TRPM8: variants seen among roughly 807,000 people sequenced by gnomAD.
TRPM8 encodes TRPM8 cationic channel.
A neutral mutation model predicts 133.7 loss-of-function variants in TRPM8; 110 were observed. That is an observed-to-expected ratio of 0.82 (90% CI 0.70 to 0.96). TRPM8 has a LOEUF of 0.96. Ranked by LOEUF, TRPM8 falls within the 40% of genes least tolerant of loss-of-function variation. The probability of loss-of-function intolerance (pLI) is 0.00; values close to 1 mark genes in which losing one functional copy is unlikely to be tolerated. For synonymous variants in TRPM8, 535 were observed against 532.3 expected, an observed-to-expected ratio of 1.01 and a Z score of -0.07; for missense variants, 1,291 against 1,379.5, an observed-to-expected ratio of 0.94 and a Z score of 1.02.
Position 234,017,424 on chromosome 2 carries a change from G to T in TRPM8, c.*168G>T. On this transcript the variant is annotated 3_prime_UTR_variant, in exon 26 of 26. Coordinates refer to ENST00000324695, the MANE Select transcript of TRPM8 (RefSeq NM_024080.5). The stretch of plus-strand genomic sequence containing the variant: ...TGTGCTGAGACCTTGAGAATAAAGT[G>T]TGTGATTGGTTTCATACTTGAAGAC... 2.1e-6 allele frequency: 1 copy of T among 466,072 alleles called. No individual in the cohort carries two copies. The highest frequency in any genetic ancestry group is 1.6e-5 in the South Asian group (1 of 63,596). 28.9% of individuals were successfully genotyped at this position (466,072 alleles called of 1,614,324 possible).
At chr2:233,996,611 A>C in intron 22 of TRPM8, 95 bp downstream of exon 22, 1 of 1,172,274 alleles carries the variant, frequency 8.5e-7, no homozygotes, top group Non-Finnish European at 1.2e-6. Context: ...GGAATTATTC[A>C]CAGATCTTTC....
intron 21 of TRPM8, among the ~76,000 whole-genome samples, chr2:233,988,371 A>G (rs143705955): frequency 3.9e-5 from 6 of 152,088 alleles, no homozygotes; most frequent in Admixed American, 2.6e-4. Flanking sequence ...TTGAGCCCCT[A>G]TGGCACTCTT....
chr2:233,973,278 A>G (rs976273768), intron 17 of TRPM8, among the ~76,000 whole-genome samples: 1 of 152,134 alleles, frequency 6.6e-6, no homozygotes, highest in Admixed American at 6.5e-5. Flanking sequence ...TTAATAACAG[A>G]AGTTCATTGC....
intron 19 of TRPM8, 29 bp downstream of exon 19, chr2:233,981,944 A>AT (rs765481516): frequency 2.6e-6 from 4 of 1,567,854 alleles, no homozygotes; most frequent in Non-Finnish European, 3.4e-6. Flanking sequence ...TGTAGTCATC[A>AT]TTTTTCTTGC....
chr2:234,005,500 G>A (rs1421259848), intron 22 of TRPM8, among the ~76,000 whole-genome samples: 2 of 152,072 alleles, frequency 1.3e-5, no homozygotes, highest in Non-Finnish European at 2.9e-5. Flanking sequence ...TTTGTTTGAA[G>A]AAAAGACATT....
intron 22 of TRPM8, among the ~76,000 whole-genome samples, chr2:234,005,130 G>A (rs1167912965): frequency 2.0e-5 from 3 of 152,124 alleles, no homozygotes; most frequent in Admixed American, 1.3e-4. Flanking sequence ...TCTAAATAAA[G>A]GGTATGCACC....
chr2:233,923,101 C>A (rs1447732983), intron 1 of TRPM8, among the ~76,000 whole-genome samples: 2 of 152,070 alleles, frequency 1.3e-5, no homozygotes, highest in Admixed American at 1.3e-4. Context: ...GATCTCCTGG[C>A]CTCGTGATCC....
rs1242436272 is a variant in TRPM8 at position 233,927,839 on chromosome 2, CCTTCCTTCCTTCCTTT to C, written c.117+1189_117+1204del. Among the ~76,000 whole-genome samples the C allele has an allele frequency of 3.4e-3, 229 of 67,352 alleles. 21 individuals are homozygous for C. The highest frequency in any genetic ancestry group is 0.019 in the Middle Eastern group (3 of 160). 44.2% of individuals were successfully genotyped at this position (67,352 alleles called of 152,430 possible). On this transcript the variant is annotated intron_variant, in intron 2 of 25. Transcript: ENST00000324695. ...TCCTTCCTTCCTTCCTTCCTTCCTT[CCTTCCTTCCTTCCTTT>C]CTTTCTCTTTCTTTCTTTCTTTCTT... is the stretch of plus-strand genomic sequence containing the variant.
At chr2:233,924,255 C>T (rs536564464) in intron 1 of TRPM8, among the ~76,000 whole-genome samples, 5 of 152,284 alleles carry the variant, frequency 3.3e-5, no homozygotes, top group African/African-American at 1.2e-4. Flanking sequence ...AATTTTGGAT[C>T]GCTGGATCTG....
chr2:233,963,627 G>A (rs1691494115), intron 13 of TRPM8, among the ~76,000 whole-genome samples: 1 of 152,108 alleles, frequency 6.6e-6, no homozygotes, highest in African/African-American at 2.4e-5. Flanking sequence ...GTGTGTGATT[G>A]TTTTCCAAGT....
At chr2:233,967,586 T>C (rs999585740) in intron 15 of TRPM8, among the ~76,000 whole-genome samples, 2 of 152,226 alleles carry the variant, frequency 1.3e-5, no homozygotes, top group Non-Finnish European at 2.9e-5. Context: ...TTGGCTCTCA[T>C]GTTGATTGCC....
chr2:233,921,680 T>TC (rs1158260350), intron 1 of TRPM8, among the ~76,000 whole-genome samples: 4 of 142,652 alleles, frequency 2.8e-5, no homozygotes, highest in East Asian at 2.0e-4. Flanking sequence ...TTCTTTTCTT[T>TC]TTTTTTTTTT....
intron 7 of TRPM8, 67 bp from the exon 8 acceptor site, chr2:233,947,021 C>T: frequency 6.7e-7 from 1 of 1,493,724 alleles, no homozygotes; most frequent in East Asian, 2.3e-5. Flanking sequence ...CTTGGTCCAA[C>T]TTTTCACAGA....
chr2:233,961,593 C>T (rs1235920719), intron 12 of TRPM8, among the ~76,000 whole-genome samples: 2 of 150,612 alleles, frequency 1.3e-5, no homozygotes, highest in Non-Finnish European at 3.0e-5. Context: ...CATAAGCCAC[C>T]GTGCCCGGCC....
chr2:234,003,642 C>T (rs1359934584), intron 22 of TRPM8, among the ~76,000 whole-genome samples: 1 of 152,192 alleles, frequency 6.6e-6, no homozygotes, highest in Non-Finnish European at 1.5e-5. Flanking sequence ...AGAAAACCTA[C>T]AAGCATCATA....
At chr2:233,920,382 A>G (rs1691384739) in intron 1 of TRPM8, among the ~76,000 whole-genome samples, 1 of 152,256 alleles carries the variant, frequency 6.6e-6, no homozygotes, top group South Asian at 2.1e-4. Flanking sequence ...GACCATGAAT[A>G]GAAATAATTG....
At chr2:233,921,876 T>C (rs569615812) in intron 1 of TRPM8, among the ~76,000 whole-genome samples, 4 of 152,220 alleles carry the variant, frequency 2.6e-5, no homozygotes, top group South Asian at 2.1e-4. Context: ...TTTCGCCATG[T>C]TGGCCAGGCT....
intron 14 of TRPM8, 85 bp from the exon 15 acceptor site, chr2:233,966,525 A>G (rs1553661106): frequency 1.3e-6 from 2 of 1,554,672 alleles, no homozygotes; most frequent in South Asian, 2.3e-5. Flanking sequence ...TTTTGGATTC[A>G]GGGGTTGGCT....
chr2:234,016,477 G>T (rs765670106), intron 25 of TRPM8, among the ~76,000 whole-genome samples: 1 of 152,114 alleles, frequency 6.6e-6, no homozygotes, highest in Non-Finnish European at 1.5e-5. Flanking sequence ...TCTTTCTCTA[G>T]AGGGGTGAGG....
Sources: allele counts gnomAD v4.1 joint callset (sites outside exome capture counted in the v4.1 genomes callset), GRCh38; gene constraint gnomAD v4.1.1; transcripts MANE v1.5; gene names NCBI Gene and HGNC (gene_info 2026-07-23, HGNC 2026-07-21).